STARD13: variants seen among roughly 807,000 people sequenced by gnomAD.
STARD13 encodes StAR related lipid transfer domain containing 13.
STARD13 carries 62 observed loss-of-function variants against 106.4 expected under a neutral mutation model. The ratio of observed to expected loss-of-function variants is 0.58; its 90% CI spans 0.48 to 0.72. The LOEUF is 0.72. Among genes scored for constraint, STARD13 ranks in the 30% least tolerant of loss-of-function variants. The probability of loss-of-function intolerance (pLI) is 0.00; values close to 1 mark genes in which losing one functional copy is unlikely to be tolerated. For missense variants in STARD13, 1,387 were observed against 1,424.0 expected (o/e 0.97, Z 0.42); for synonymous variants, 565 against 553.0 (o/e 1.02, Z -0.31).
chr13:33,566,371 T>G, the STARD13 span, among the ~76,000 whole-genome samples: 1 of 147,618 alleles, frequency 6.8e-6, no homozygotes, highest in Non-Finnish European at 1.5e-5. Context: ...CCACTGGGGG[T>G]CTTGGAATGT....
At chr13:33,516,361 TAAG>T in the STARD13 span, among the ~76,000 whole-genome samples, 1 of 151,502 alleles carries the variant, frequency 6.6e-6, no homozygotes, top group Non-Finnish European at 1.5e-5. Flanking sequence ...TTACTTACCT[TAAG>T]AACACCGAGA....
the STARD13 span, among the ~76,000 whole-genome samples, chr13:33,453,772 T>TA: frequency 6.6e-6 from 1 of 152,194 alleles, no homozygotes; most frequent in Admixed American, 6.5e-5. Flanking sequence ...AAAATGTTTT[T>TA]AAAAAAGAGT....
Position 33,221,382 on chromosome 13 carries a change from A to C in STARD13, c.170-53760T>G, listed in dbSNP as rs1016943938. Among the ~76,000 whole-genome samples, 5 of 152,202 alleles carry C rather than the reference A, an allele frequency of 3.3e-5. No individual in the cohort carries two copies. The East Asian group carries it at 7.7e-4, about 23-fold the overall frequency. On this transcript the variant is annotated intron_variant, in intron 1 of 13. Coordinates refer to ENST00000336934, the MANE Select transcript of STARD13 (RefSeq NM_178006.4). ...AGTATAATGTCCTCAAGCTTCACCC[A>C]TGTTGTAGCACGGTAAACATTTCCT...
intron 1 of STARD13, among the ~76,000 whole-genome samples, chr13:33,182,776 T>C (rs1482400710): frequency 1.3e-5 from 2 of 152,222 alleles, no homozygotes; most frequent in African/African-American, 4.8e-5. Flanking sequence ...CTCTCCTTGC[T>C]TCAGTTCTTG....
chr13:33,490,046 T>G, the STARD13 span, among the ~76,000 whole-genome samples: 4 of 152,240 alleles, frequency 2.6e-5, no homozygotes, highest in African/African-American at 9.6e-5. Flanking sequence ...AAGTAAATTT[T>G]TTTTAAACTT....
At chr13:33,569,144 T>A in the STARD13 span, among the ~76,000 whole-genome samples, 1 of 148,054 alleles carries the variant, frequency 6.8e-6, no homozygotes, top group Non-Finnish European at 1.5e-5. Context: ...ATGCATGGCC[T>A]GTTAAATGGC....
the STARD13 span, among the ~76,000 whole-genome samples, chr13:33,553,466 A>C: frequency 6.6e-6 from 1 of 152,002 alleles, no homozygotes; most frequent in East Asian, 1.9e-4. Context: ...AACAAAAATA[A>C]CTTTTCATGA....
chr13:33,109,962 A>T lies in STARD13; in HGVS notation c.2958T>A (p.Val986=), dbSNP rs374974129. ...LWDEDFVQWK[V]VETLDRQTEI... ...CTGTTTGCCTGTCTAGAGTTTCCAC[A>T]ACCTTCCACTGCACAAAGTCCTCGT... Residue 986 remains valine (V), a synonymous_variant, in exon 12 of 14, where the codon GTT becomes GTA. Transcript: ENST00000336934. 6.2e-7 allele frequency: 1 copy of T among 1,614,194 alleles called. No individual in the cohort carries two copies. Among genetic ancestry groups the T allele is most frequent in the African/African-American group, 1.3e-5 (1 of 75,032 alleles).
the STARD13 span, among the ~76,000 whole-genome samples, chr13:33,547,379 T>C: frequency 2.6e-5 from 4 of 152,240 alleles, no homozygotes; most frequent in East Asian, 7.7e-4. Context: ...ATTTTACATA[T>C]GTGTATTTAC....
At chr13:33,606,801 C>T in the STARD13 span, among the ~76,000 whole-genome samples, 4 of 152,212 alleles carry the variant, frequency 2.6e-5, no homozygotes, top group Non-Finnish European at 4.4e-5. Context: ...GGCAGAGCTG[C>T]GCTCCTTTCT....
intron 1 of STARD13, among the ~76,000 whole-genome samples, chr13:33,350,066 A>G (rs948484406): frequency 6.6e-6 from 1 of 152,120 alleles, no homozygotes; most frequent in Non-Finnish European, 1.5e-5. Flanking sequence ...CCTGGCTGTC[A>G]GCGCGCGCGT....
At chr13:33,167,376 A>G (rs1427612047) in intron 2 of STARD13, among the ~76,000 whole-genome samples, 175 bp downstream of exon 2, 2 of 152,144 alleles carry the variant, frequency 1.3e-5, no homozygotes, top group Non-Finnish European at 2.9e-5. Flanking sequence ...AGTGATATTC[A>G]TTTCTAAATT....
chr13:33,190,460 C>T (rs1886163630), intron 1 of STARD13, among the ~76,000 whole-genome samples: 2 of 152,070 alleles, frequency 1.3e-5, no homozygotes, highest in South Asian at 2.1e-4. Context: ...TTTCCTGAGC[C>T]AGGCATGAAA....
At chr13:33,660,086 A>G in the STARD13 span, among the ~76,000 whole-genome samples, 2 of 152,182 alleles carry the variant, frequency 1.3e-5, no homozygotes, top group South Asian at 2.1e-4. Context: ...AGAAGAGGCC[A>G]GGTAGGCAGG....
At chr13:33,488,682 A>C in the STARD13 span, among the ~76,000 whole-genome samples, 2 of 152,322 alleles carry the variant, frequency 1.3e-5, no homozygotes, top group Non-Finnish European at 2.9e-5. Context: ...CAAGCTTTTG[A>C]ATCTTGGCAC....
At chr13:33,391,230 G>GA in the STARD13 span, among the ~76,000 whole-genome samples, 32 of 152,148 alleles carry the variant, frequency 2.1e-4, no homozygotes, top group African/African-American at 7.5e-4. Flanking sequence ...TCTAGGTAGT[G>GA]AAAAGCAGAG....
At chr13:33,486,118 G>T in the STARD13 span, among the ~76,000 whole-genome samples, 3 of 152,114 alleles carry the variant, frequency 2.0e-5, no homozygotes, top group African/African-American at 7.2e-5. Flanking sequence ...GAAAGAAGTA[G>T]ATTGGAGTTA....
At chr13:33,475,469 C>T in the STARD13 span, among the ~76,000 whole-genome samples, 2 of 152,132 alleles carry the variant, frequency 1.3e-5, no homozygotes, top group Non-Finnish European at 2.9e-5. Context: ...TTTATCTAAA[C>T]TTCCTAAGCT....
the STARD13 span, among the ~76,000 whole-genome samples, chr13:33,412,010 G>A: frequency 6.6e-6 from 1 of 152,242 alleles, no homozygotes; most frequent in East Asian, 1.9e-4. Flanking sequence ...AGAAAGGAGG[G>A]AAAATCATGT....
Sources: gnomAD v4.1 joint callset for allele counts (sites outside exome capture counted in the v4.1 genomes callset) on GRCh38, gnomAD v4.1.1 for gene constraint, MANE v1.5 for transcripts, NCBI Gene and HGNC (gene_info 2026-07-23, HGNC 2026-07-21) for gene names.